Variants in MUC4 observed in about 807,000 individuals in gnomAD.
The protein encoded by MUC4 is mucin 4, cell surface associated, also known as mucin-4.
Under a neutral mutation model 257.9 loss-of-function variants are expected in MUC4, and 202 were observed. That is an observed-to-expected ratio of 0.78 (90% CI 0.70 to 0.88). The LOEUF is 0.88. Among genes scored for constraint, MUC4 ranks in the 40% least tolerant of loss-of-function variants. The pLI is 0.00. For missense variants in MUC4, 5,976 were observed against 6,513.7 expected, an observed-to-expected ratio of 0.92 and a Z score of 2.84; for synonymous variants, 2,351 against 2,757.1, an observed-to-expected ratio of 0.85 and a Z score of 4.62.
chr3:195,788,792 C>G lies in MUC4; in HGVS notation c.2788G>C (p.Asp930His), dbSNP rs373318989. 1.6e-4 allele frequency: 261 copies of G among 1,613,728 alleles called. No individual in the cohort carries two copies. Among genetic ancestry groups the G allele is most frequent in the Non-Finnish European group, 2.1e-4 (253 of 1,179,838 alleles). The part of the protein sequence containing the change: ...DTISLASQAT[D>H]TFSTVPPTPP... Reference sequence around the variant, plus strand: ...GTGGGTGGGACTGTTGAGAAGGTGTCGGTTGCCTGGGACGCCAGGCTGATA... The same window carrying G: ...GTGGGTGGGACTGTTGAGAAGGTGTGGGTTGCCTGGGACGCCAGGCTGATA... Residue 930 changes from aspartate to histidine, a missense_variant, in exon 2 of 25, where the codon GAC becomes CAC. Physicochemically the swap from Asp to His is moderately conservative, Grantham distance 81. This residue lies in a region of MUC4 where 1,583 missense variants were observed against 1,257.4 expected (regional missense o/e 1.26). Coordinates refer to ENST00000463781, the MANE Select transcript of MUC4 (RefSeq NM_018406.7).
chr3:195,773,526 C>T lies in MUC4; in HGVS notation c.13077+646G>A, dbSNP rs1000627450. Among the ~76,000 whole-genome samples the T allele has an allele frequency of 5.2e-5, 7 of 134,446 alleles. No individual in the cohort carries two copies. The South Asian group carries it at 6.4e-4, about 12-fold the overall frequency. 88.2% of individuals were successfully genotyped at this position (134,446 alleles called of 152,430 possible). On this transcript the variant is annotated intron_variant, in intron 4 of 24. Coordinates refer to ENST00000463781, the MANE Select transcript of MUC4 (RefSeq NM_018406.7). The stretch of plus-strand genomic sequence containing the variant: ...GCAGGTGTGGACACCCTCTCTCCAT[C>T]GCTCAGCAGGTGTGGACACCCTCTC...
intron 15 of MUC4, 98 bp from the exon 16 acceptor site, chr3:195,761,215 C>T (rs888629558): frequency 1.1e-5 from 13 of 1,178,662 alleles, no homozygotes; most frequent in South Asian, 6.6e-5. Flanking sequence ...TGGAGCGGGG[C>T]GGTGGGAGTG....
intron 1 of MUC4, among the ~76,000 whole-genome samples, chr3:195,799,985 G>A (rs993409315): frequency 2.0e-5 from 3 of 152,136 alleles, no homozygotes; most frequent in Admixed American, 2.0e-4. Context: ...TCACAGCATC[G>A]ACTGAAAATC....
intron 6 of MUC4, chr3:195,769,411 T>C: frequency 2.1e-6 from 1 of 474,994 alleles, no homozygotes; most frequent in Non-Finnish European, 3.8e-6. Flanking sequence ...TAAAGGGTTC[T>C]GGGTTACAAT....
chr3:195,798,765 T>G (rs1734908441), intron 1 of MUC4, among the ~76,000 whole-genome samples: 1 of 152,188 alleles, frequency 6.6e-6, no homozygotes, highest in African/African-American at 2.4e-5. Context: ...GTATACATAA[T>G]TTTGTATCCT....
chr3:195,782,136 A>C lies in MUC4; in HGVS notation c.9444T>G (p.Gly3148=), dbSNP rs1205308525. The change falls in exon 2 of 25, where the codon GGT becomes GGG. Residue 3148 remains glycine (G), a synonymous_variant. Transcript: ENST00000463781. ...PVTSTSSAST[G]DTTPLPVTDT... is the part of the protein sequence containing the mutation. Reference sequence around the variant, plus strand: ...CGGTGACAGGAAGAGGGGTGGTGTCACCTGTGGATGCTGAGGAAGTGCTGG... The same window carrying C: ...CGGTGACAGGAAGAGGGGTGGTGTCCCCTGTGGATGCTGAGGAAGTGCTGG... The C allele has an allele frequency of 8.8e-6, 12 of 1,362,116 alleles. 1 individual carries two copies. In the African/African-American group the frequency reaches 1.0e-4, roughly 12 times the overall value. 84.4% of individuals were successfully genotyped at this position (1,362,116 alleles called of 1,614,324 possible). A position where few individuals can be genotyped will look rare whatever the true frequency, so the allele number is the denominator to read the frequency against.
rs150677892 is a variant in MUC4, at chr3:195,751,229, G to A, written c.15625C>T (p.Arg5209Cys). The A allele has an allele frequency of 2.4e-5, 39 of 1,607,540 alleles. 1 individual carries two copies. In the South Asian group the frequency reaches 3.1e-4, roughly 13 times the overall value. ...TACATTCGTTCCACTTGGCTGTTGC[G>A]GAGAAAGGCCCGCATGTCCAGGGTC... The part of the protein sequence containing the change: ...LGTLDMRAFL[R>C]NSQVERIDSA... The change falls in exon 22 of 25, where the codon CGC (arginine) becomes TGC (cysteine). Residue 5209 changes from arginine to cysteine, a missense_variant. By Grantham distance (180) the Arg-to-Cys change is radical (BLOSUM62 -3). Around this residue, in one of 44 missense-constraint regions of MUC4, gnomAD observed 996 missense variants for 1,137.3 expected, o/e 0.88. Transcript: ENST00000463781.
chr3:195,762,901 C>A lies in MUC4; in HGVS notation c.14298G>T (p.Leu4766=). 3 of 1,574,666 alleles carry A rather than the reference C, an allele frequency of 1.9e-6. No homozygotes were observed. The highest frequency in any genetic ancestry group is 4.7e-5 in the East Asian group (2 of 42,236). The change falls in exon 13 of 25, where the codon CTG becomes CTT. Residue 4766 remains leucine (L), a synonymous_variant. Coordinates refer to ENST00000463781, the MANE Select transcript of MUC4 (RefSeq NM_018406.7). ...LEPHDAIRVL[L]DNQTVTFQPD... ...GCTGAAATGTCACAGTCTGGTTATC[C>A]AGCAGGACACGGATTGCGTCGTGAG... is the stretch of plus-strand genomic sequence containing the variant.
Position 195,783,935 on chromosome 3 carries a change from T to TC in MUC4, c.7644_7645insG (p.Ser2549GlufsTer41), listed in dbSNP as rs1729803215. 1 of 1,480,934 alleles carries TC rather than the reference T, an allele frequency of 6.8e-7. No homozygotes were observed. Among genetic ancestry groups the TC allele is most frequent in the African/African-American group, 1.8e-5 (1 of 56,328 alleles). 91.7% of individuals were successfully genotyped at this position (1,480,934 alleles called of 1,614,324 possible). A position where few individuals can be genotyped will look rare whatever the true frequency, so the allele number is the denominator to read the frequency against. Reference sequence around the variant, plus strand: ...TGACCTGTGGATGCTGAGGAAGGGCTGGTGACATGAAGAGAGGTGGCGTGA... The same window carrying TC: ...TGACCTGTGGATGCTGAGGAAGGGCTCGGTGACATGAAGAGAGGTGGCGTGA... On this transcript the variant is annotated frameshift_variant, in exon 2 of 25. Transcript: ENST00000463781. LOFTEE classifies it high-confidence loss of function.
rs1243556465 is a variant in MUC4 at position 195,796,244 on chromosome 3, G to A, written c.83-4747C>T. 5.9e-5 allele frequency among the ~76,000 whole-genome samples: 9 copies of A among 151,880 alleles called. No homozygotes were observed. In the South Asian group the frequency reaches 6.2e-4, roughly 11 times the overall value. ...ATTACAGGCGCATGCCACCACGCCC[G>A]GCTAATTTTTGTATTTTTAGTAGAG... On this transcript the variant is annotated intron_variant, in intron 1 of 24. Coordinates refer to ENST00000463781, the MANE Select transcript of MUC4 (RefSeq NM_018406.7).
Position 195,750,978 on chromosome 3 carries a change from A to G in MUC4, c.15782T>C (p.Leu5261Ser), listed in dbSNP as rs780575369. 5.0e-6 allele frequency: 8 copies of G among 1,613,918 alleles called. No homozygotes were observed. The highest frequency in any genetic ancestry group is 6.8e-6 in the Non-Finnish European group (8 of 1,180,002). ...CTCACTCCTCCGTGGAACGTGGTAT[A>G]AGAACGCCTCCACCACCGCGGCCAG... ...QLLAAVVEAF[L>S]YHVPRRSEEP... Residue 5261 changes from leucine to serine, a missense_variant, in exon 23 of 25, where the codon TTA (leucine) becomes TCA (serine). Physicochemically the swap from Leu to Ser is moderately radical, Grantham distance 145. This residue lies in a region of MUC4 where 310 missense variants were observed against 242.1 expected (regional missense o/e 1.28). Coordinates refer to ENST00000463781, the MANE Select transcript of MUC4 (RefSeq NM_018406.7).
At chr3:195,778,225 C>A in intron 3 of MUC4, 78 bp downstream of exon 3, 1 of 1,483,752 alleles carries the variant, frequency 6.7e-7, no homozygotes, top group Non-Finnish European at 9.0e-7. Flanking sequence ...AGAGCGGAGA[C>A]TGTGGGAAGT....
At position 195,782,013 on chromosome 3, in the gene MUC4, G is replaced by T; in HGVS notation, c.9567C>A (p.Ser3189Arg). 2 of 1,510,018 alleles carry T rather than the reference G, an allele frequency of 1.3e-6. No homozygotes were observed. The highest frequency in any genetic ancestry group is 1.8e-6 in the Non-Finnish European group (2 of 1,129,414). 93.5% of individuals were successfully genotyped at this position (1,510,018 alleles called of 1,614,324 possible). The change falls in exon 2 of 25, where the codon AGC (serine) becomes AGA (arginine). Residue 3189 changes from serine (S) to arginine (R), a missense_variant. By Grantham distance (110) the Ser-to-Arg change is moderately radical. Around this residue, in one of 44 missense-constraint regions of MUC4, gnomAD observed 28 missense variants for 79.1 expected, o/e 0.35. Transcript: ENST00000463781. ...TGDTTPLPVT[S>R]PSSASTGHAT... is the part of the protein sequence containing the mutation. The stretch of plus-strand genomic sequence containing the variant: ...CGTGACCTGTGGATGCTGAGGAAGG[G>T]CTAGTGACAGGAAGAGGCGTGGTGT...
In MUC4 at chr3:195,774,283, C is replaced by T. The variant is rs754952436; in HGVS notation, c.12966G>A (p.Gly4322=). The T allele has an allele frequency of 1.3e-6, 2 of 1,572,310 alleles. No homozygotes were observed. The highest frequency in any genetic ancestry group is 1.9e-5 in the Admixed American group (1 of 53,232). Reference sequence around the variant, plus strand: ...CGAACTCCAGGTCCCCGGCGCCTGCCCCATAGGGGAAGAGGGAAACTCCTG... The same window carrying T: ...CGAACTCCAGGTCCCCGGCGCCTGCTCCATAGGGGAAGAGGGAAACTCCTG... ...PERGVSLFPY[G]AGAGDLEFVR... The change falls in exon 4 of 25, where the codon GGG becomes GGA. Residue 4322 remains glycine (G), a synonymous_variant. Coordinates refer to ENST00000463781, the MANE Select transcript of MUC4 (RefSeq NM_018406.7).
At chr3:195,804,557 G>T (rs564306657) in intron 1 of MUC4, among the ~76,000 whole-genome samples, 1 of 152,352 alleles carries the variant, frequency 6.6e-6, no homozygotes, top group African/African-American at 2.4e-5. Context: ...GTTTTTCCTG[G>T]AACTGGAGGT....
At chr3:195,775,199 G>A (rs147768940) in intron 3 of MUC4, among the ~76,000 whole-genome samples, 183 of 152,146 alleles carry the variant, frequency 1.2e-3, no homozygotes, top group African/African-American at 2.6e-3. Flanking sequence ...GGCACCACTT[G>A]TTAAATGCCA....
At chr3:195,761,985 G>C (rs1025091875) in intron 14 of MUC4, 102 bp downstream of exon 14, 3 of 1,327,174 alleles carry the variant, frequency 2.3e-6, no homozygotes, top group Non-Finnish European at 3.1e-6. Flanking sequence ...CCAAGGAGGC[G>C]GAGAAAGGGA....
At chr3:195,801,730 G>A (rs1161092036) in intron 1 of MUC4, among the ~76,000 whole-genome samples, 10 of 152,010 alleles carry the variant, frequency 6.6e-5, no homozygotes, top group Admixed American at 1.3e-4. Flanking sequence ...CAGCAAAAAC[G>A]ATTTTCTCCA....
In MUC4 at chr3:195,748,991, C is replaced by A. The variant is rs751061604; in HGVS notation, c.15945G>T (p.Gln5315His). The A allele has an allele frequency of 2.5e-6, 4 of 1,609,920 alleles. No individual in the cohort carries two copies. The highest frequency in any genetic ancestry group is 3.4e-6 in the Non-Finnish European group (4 of 1,178,070). ...YKGYDLVYSP[Q>H]SGFTCVSPCS... The stretch of plus-strand genomic sequence containing the variant: ...ACGGGGACACGCAGGTGAAGCCGCT[C>A]TGGGGGCTGTAGACCAGGTCGTAGC... The change falls in exon 24 of 25, where the codon CAG becomes CAT. Residue 5315 changes from glutamine (Q) to histidine (H), a missense_variant. By Grantham distance (24) the Gln-to-His change is conservative. Transcript: ENST00000463781.
Sources: gnomAD v4.1 joint callset for allele counts (sites outside exome capture counted in the v4.1 genomes callset) on GRCh38, gnomAD v4.1.1 for gene constraint, gnomAD v4.1.1 regional missense constraint, MANE v1.5 for transcripts, NCBI Gene and HGNC (gene_info 2026-07-23, HGNC 2026-07-21) for gene names.